Variants in MBD2 observed in about 807,000 individuals in gnomAD.
MBD2 encodes the protein methyl-CpG binding domain protein 2, also known as methyl-CpG-binding domain protein 2.
In MBD2, 9 loss-of-function variants were observed where a neutral mutation model predicts 39.3. That is an observed-to-expected ratio of 0.23 (90% confidence interval 0.14 to 0.40). The LOEUF is 0.40. MBD2 is among the 10% of genes least tolerant of loss of function. The pLI is 1.00. For missense variants in MBD2, 458 were observed against 532.6 expected, an observed-to-expected ratio of 0.86 and a Z score of 1.38; for synonymous variants, 233 against 211.1, an observed-to-expected ratio of 1.10 and a Z score of -0.90.
At chr18:54,213,180 C>T (rs139358408) in intron 1 of MBD2, among the ~76,000 whole-genome samples, 123 of 152,146 alleles carry the variant, frequency 8.1e-4, no homozygotes, top group African/African-American at 2.8e-3. Flanking sequence ...GATCCCTAAG[C>T]CCTAGCCCTG....
chr18:54,217,721 A>C (rs576994682), intron 1 of MBD2, among the ~76,000 whole-genome samples: 14 of 152,358 alleles, frequency 9.2e-5, no homozygotes, highest in African/African-American at 3.4e-4. Flanking sequence ...TAAATTTTTA[A>C]AAGCAATGTG....
At chr18:54,186,835 T>C (rs2086289724) in intron 3 of MBD2, among the ~76,000 whole-genome samples, 1 of 152,174 alleles carries the variant, frequency 6.6e-6, no homozygotes, top group Non-Finnish European at 1.5e-5. Context: ...GATTAAACCC[T>C]CAAAAGATCT....
At chr18:54,218,464 G>C (rs955241736) in intron 1 of MBD2, among the ~76,000 whole-genome samples, 1 of 152,084 alleles carries the variant, frequency 6.6e-6, no homozygotes, top group African/African-American at 2.4e-5. Context: ...TTAGACATGG[G>C]GTGTTGCAAT....
intron 2 of MBD2, among the ~76,000 whole-genome samples, chr18:54,202,081 G>A (rs3017292): frequency 0.026 from 4,024 of 151,888 alleles, 79 homozygotes; most frequent in Non-Finnish European, 0.039. Context: ...GGTGTCTCAC[G>A]CCTGTAATCC....
intron 3 of MBD2, among the ~76,000 whole-genome samples, chr18:54,183,975 G>A (rs909193295): frequency 1.3e-5 from 2 of 151,692 alleles, no homozygotes; most frequent in African/African-American, 4.8e-5. Context: ...AGTTCAGATG[G>A]GTAATATAAA....
At chr18:54,160,166 T>A (rs1204997305) in intron 5 of MBD2, 1 of 360,120 alleles carries the variant, frequency 2.8e-6, no homozygotes, top group African/African-American at 2.0e-5. Context: ...AGTGACCTTT[T>A]CTTCAACTTT....
At chr18:54,219,558 T>A (rs2086592286) in intron 1 of MBD2, among the ~76,000 whole-genome samples, 1 of 152,216 alleles carries the variant, frequency 6.6e-6, no homozygotes, top group South Asian at 2.1e-4. Flanking sequence ...CAGAAAAGGC[T>A]TTTTATTGGA....
intron 3 of MBD2, among the ~76,000 whole-genome samples, chr18:54,166,407 T>C (rs556439034): frequency 6.6e-6 from 1 of 152,314 alleles, no homozygotes; most frequent in South Asian, 2.1e-4. Context: ...TACAATACTA[T>C]AGATGGTTAT....
chr18:54,219,267 A>G (rs2086588548), intron 1 of MBD2, among the ~76,000 whole-genome samples: 1 of 152,374 alleles, frequency 6.6e-6, no homozygotes, highest in South Asian at 2.1e-4. Flanking sequence ...TACAAAATGC[A>G]TAGCCTTATT....
intron 4 of MBD2, among the ~76,000 whole-genome samples, chr18:54,165,694 G>T (rs2086126097): frequency 6.6e-6 from 1 of 152,180 alleles, no homozygotes; most frequent in African/African-American, 2.4e-5. Flanking sequence ...TTTGGGAAGA[G>T]GATGAGAGAA....
At chr18:54,193,329 G>A (rs1361215268) in intron 2 of MBD2, among the ~76,000 whole-genome samples, 4 of 152,166 alleles carry the variant, frequency 2.6e-5, no homozygotes, top group African/African-American at 9.7e-5. Flanking sequence ...AAGAAAAAGT[G>A]AAGCAGAAAT....
chr18:54,191,531 T>C (rs1160085048), intron 2 of MBD2, among the ~76,000 whole-genome samples: 1 of 152,214 alleles, frequency 6.6e-6, no homozygotes, highest in Admixed American at 6.5e-5. Flanking sequence ...CTGTGACTGA[T>C]TAGAAATGGC....
At chr18:54,175,732 G>A (rs542015379) in intron 3 of MBD2, among the ~76,000 whole-genome samples, 2 of 151,996 alleles carry the variant, frequency 1.3e-5, no homozygotes, top group South Asian at 4.2e-4. Flanking sequence ...TTATTTATAT[G>A]AACACTGACC....
chr18:54,204,893 C>T (rs760883005), intron 2 of MBD2, 105 bp downstream of exon 2: 9 of 1,087,768 alleles, frequency 8.3e-6, no homozygotes, highest in African/African-American at 3.1e-5. Context: ...GGGACATGCA[C>T]GGGACATTTG....
intron 2 of MBD2, among the ~76,000 whole-genome samples, chr18:54,194,178 T>G (rs971182196): frequency 6.6e-6 from 1 of 151,920 alleles, no homozygotes; most frequent in Non-Finnish European, 1.5e-5. Flanking sequence ...TTTCATATTT[T>G]AATGTAATCA....
chr18:54,194,307 C>T (rs1361362004), intron 2 of MBD2, among the ~76,000 whole-genome samples: 4 of 152,042 alleles, frequency 2.6e-5, no homozygotes, highest in South Asian at 2.1e-4. Flanking sequence ...TACGAACAAA[C>T]TCTTCAATGG....
At chr18:54,196,531 C>T (rs1275362009) in intron 2 of MBD2, among the ~76,000 whole-genome samples, 1 of 152,162 alleles carries the variant, frequency 6.6e-6, no homozygotes, top group African/African-American at 2.4e-5. Context: ...TTGGCATTAG[C>T]TATGTACACA....
At chr18:54,223,849 C>T (rs983716496) in intron 1 of MBD2, among the ~76,000 whole-genome samples, 169 bp downstream of exon 1, 1 of 152,092 alleles carries the variant, frequency 6.6e-6, no homozygotes. Flanking sequence ...TGCCTCCCAC[C>T]GCACTGGGGT....
intron 1 of MBD2, 90 bp downstream of exon 1, chr18:54,223,928 G>A (rs1012904546): frequency 2.7e-6 from 3 of 1,129,956 alleles, no homozygotes; most frequent in African/African-American, 3.2e-5. Context: ...ATGCCCCCCG[G>A]GCCCCAGCGC....
Sources: gnomAD v4.1 joint callset for allele counts (sites outside exome capture counted in the v4.1 genomes callset) on GRCh38, gnomAD v4.1.1 for gene constraint, MANE v1.5 for transcripts, NCBI Gene and HGNC (gene_info 2026-07-23, HGNC 2026-07-21) for gene names.